The following MYOM2 variants were observed in gnomAD, a reference collection of about 807,000 sequenced individuals.
MYOM2 encodes the protein myomesin-2.
MYOM2 carries 254 observed loss-of-function variants against 187.6 expected under a neutral mutation model. The observed-to-expected ratio is 1.35, with a 90% CI of 1.22 to 1.50. The LOEUF (loss-of-function observed/expected upper bound fraction) is 1.50. Ranked by LOEUF, MYOM2 falls within the 40% of genes most tolerant of loss-of-function variation. MYOM2 has a pLI of 0.00. For synonymous variants in MYOM2, 981 were observed against 753.8 expected (o/e 1.30, Z -4.94); for missense variants, 2,796 against 1,924.0 (o/e 1.45, Z -8.48).
At chr8:2,083,439 T>TGCTTA (rs1819702074) in intron 13 of MYOM2, among the ~76,000 whole-genome samples, 1 of 151,980 alleles carries the variant, frequency 6.6e-6, no homozygotes. Flanking sequence ...ATCTCATGTG[T>TGCTTA]GCTTAGCGGC....
intron 31 of MYOM2, chr8:2,127,638 G>A (rs1244249993): frequency 6.5e-6 from 1 of 154,380 alleles, no homozygotes; most frequent in Non-Finnish European, 1.4e-5. Context: ...ACGCGGTGAC[G>A]CAGCCGCAGG....
At chr8:2,126,944 A>G (rs1240168434) in intron 31 of MYOM2, among the ~76,000 whole-genome samples, 1 of 97,666 alleles carries the variant, frequency 1.0e-5, no homozygotes, top group Middle Eastern at 9.3e-3. Flanking sequence ...CTGGAGGAGC[A>G]CTGGGGGAGG....
Position 2,106,487 on chromosome 8 carries a change from T to G in MYOM2, c.2892-4T>G, listed in dbSNP as rs1796897009. Reference sequence around the variant, plus strand: ...GACATTCACCTACTCTTCTTCCTTTTTAGCTCCAAGCTGTACTTAAAGAAT... The same window carrying G: ...GACATTCACCTACTCTTCTTCCTTTGTAGCTCCAAGCTGTACTTAAAGAAT... On this transcript the variant is annotated splice_region_variant and splice_polypyrimidine_tract_variant and intron_variant, in intron 22 of 36. Transcript: ENST00000262113. 2 of 1,611,178 alleles carry G rather than the reference T, an allele frequency of 1.2e-6. No individual in the cohort carries two copies. The highest frequency in any genetic ancestry group is 1.7e-6 in the Non-Finnish European group (2 of 1,177,512).
intron 5 of MYOM2, among the ~76,000 whole-genome samples, chr8:2,058,767 T>C (rs970607845): frequency 5.3e-5 from 8 of 152,116 alleles, no homozygotes; most frequent in Non-Finnish European, 8.8e-5. Flanking sequence ...GCCAGCTTCC[T>C]TTCACCAGGG....
At chr8:2,095,961 C>T (rs1250746377) in intron 17 of MYOM2, among the ~76,000 whole-genome samples, 1 of 152,214 alleles carries the variant, frequency 6.6e-6, no homozygotes, top group African/African-American at 2.4e-5. Context: ...GTCAAATGTT[C>T]ATACCAGATT....
At chr8:2,134,044 A>AACGCCTT (rs1797970069) in intron 32 of MYOM2, among the ~76,000 whole-genome samples, 10 of 151,314 alleles carry the variant, frequency 6.6e-5, no homozygotes, top group East Asian at 5.9e-4. Flanking sequence ...CCCTGAGGTT[A>AACGCCTT]GTGTATTGTG....
At chr8:2,059,365 G>C (rs1009284547) in intron 6 of MYOM2, 120 bp downstream of exon 6, 1 of 751,730 alleles carries the variant, frequency 1.3e-6, no homozygotes, top group Non-Finnish European at 2.2e-6. Flanking sequence ...CACCCCGGGT[G>C]ACTTTAAATA....
chr8:2,058,037 GA>G (rs1818732729), intron 5 of MYOM2, among the ~76,000 whole-genome samples: 1 of 45,926 alleles, frequency 2.2e-5, no homozygotes, highest in African/African-American at 1.1e-4. Flanking sequence ...TTTTTTTTTT[GA>G]GATGGAGTCT....
rs556621053 is a variant in MYOM2 at position 2,084,863 on chromosome 8, G to A, written c.1517-400G>A. 1.1e-4 allele frequency: 18 copies of A among 170,752 alleles called. 1 individual carries two copies. The highest frequency in any genetic ancestry group is 6.9e-4 in the East Asian group (4 of 5,794). 10.6% of individuals were successfully genotyped at this position (170,752 alleles called of 1,614,324 possible). A position where few individuals can be genotyped will look rare whatever the true frequency, so the allele number is the denominator to read the frequency against. On this transcript the variant is annotated intron_variant, in intron 13 of 36. Coordinates refer to ENST00000262113, the MANE Select transcript of MYOM2 (RefSeq NM_003970.4). ...AGAGGGGATCCTTAGAGGTGGGGCC[G>A]CCTCCATCCGCGGTGCTTCTGTATT...
In MYOM2 at chr8:2,050,888, G is replaced by C. The variant is rs148956088; in HGVS notation, c.107+15G>C. 8 of 1,584,188 alleles carry C rather than the reference G, an allele frequency of 5.0e-6. No individual in the cohort carries two copies. In the Admixed American group the frequency reaches 1.2e-4, roughly 23 times the overall value. On this transcript the variant is annotated intron_variant, in intron 2 of 36. Coordinates refer to ENST00000262113, the MANE Select transcript of MYOM2 (RefSeq NM_003970.4). ...GCGTCAAAAAAGTAAGCTGACATTC[G>C]CTGATGAGACGCGCAGAGCTTTGAT...
chr8:2,046,393 G>C (rs535238631), intron 1 of MYOM2, among the ~76,000 whole-genome samples: 1 of 152,212 alleles, frequency 6.6e-6, no homozygotes, highest in Non-Finnish European at 1.5e-5. Flanking sequence ...AGTGGCCGGG[G>C]AGCTGGGCTG....
intron 28 of MYOM2, among the ~76,000 whole-genome samples, chr8:2,120,445 G>A (rs187792073): frequency 2.1e-4 from 32 of 151,172 alleles, no homozygotes; most frequent in Admixed American, 1.6e-3. Flanking sequence ...GAGCAAGTGC[G>A]TGCCTGTGGA....
At chr8:2,047,463 A>G (rs1401618254) in intron 1 of MYOM2, among the ~76,000 whole-genome samples, 1 of 152,188 alleles carries the variant, frequency 6.6e-6, no homozygotes, top group Non-Finnish European at 1.5e-5. Context: ...GCACATTGGC[A>G]CTGGGAGTCA....
chr8:2,081,084 G>C (rs1456683200), intron 13 of MYOM2, among the ~76,000 whole-genome samples: 3 of 131,188 alleles, frequency 2.3e-5, no homozygotes, highest in Non-Finnish European at 4.7e-5. Flanking sequence ...TCTGCGGGAG[G>C]AACAGGCAGC....
At chr8:2,079,430 A>G in intron 12 of MYOM2, 130 bp from the exon 13 acceptor site, 1 of 851,802 alleles carries the variant, frequency 1.2e-6, no homozygotes, top group Non-Finnish European at 2.0e-6. Context: ...ATCAGCTCTG[A>G]TGCCCCCAGA....
intron 13 of MYOM2, among the ~76,000 whole-genome samples, chr8:2,081,625 G>T (rs1337920971): frequency 6.6e-6 from 1 of 152,202 alleles, no homozygotes. Flanking sequence ...TTCTGTAAAG[G>T]CCATTGAGAA....
chr8:2,073,781 C>T (rs757075802), intron 10 of MYOM2, among the ~76,000 whole-genome samples: 26 of 152,192 alleles, frequency 1.7e-4, no homozygotes, highest in Non-Finnish European at 2.5e-4. Context: ...ATTTGAAAAA[C>T]GATTCCCAAG....
intron 13 of MYOM2, among the ~76,000 whole-genome samples, chr8:2,080,472 C>T (rs934195664): frequency 6.6e-6 from 1 of 152,180 alleles, no homozygotes; most frequent in African/African-American, 2.4e-5. Context: ...CCATGAGGGA[C>T]ATAAACTCCC....
At position 2,050,856 on chromosome 8, in the gene MYOM2, C is replaced by A; in HGVS notation, c.90C>A (p.Asp30Glu). ...YRNIQTRYLL[D>E]EYASKKRAST... ...ATATTCAAACACGGTACCTGCTGGA[C>A]GAATATGCGTCAAAAAAGTAAGCTG... Residue 30 changes from aspartate to glutamate, a missense_variant, in exon 2 of 37, where the codon GAC (aspartate) becomes GAA (glutamate). By Grantham distance (45) the Asp-to-Glu change is conservative (BLOSUM62 2). Transcript: ENST00000262113. 1 of 1,610,386 alleles carries A rather than the reference C, an allele frequency of 6.2e-7. No homozygotes were observed. Among genetic ancestry groups the A allele is most frequent in the Non-Finnish European group, 8.5e-7 (1 of 1,176,844 alleles).
Sources: gnomAD v4.1 joint callset for allele counts (sites outside exome capture counted in the v4.1 genomes callset) on GRCh38, gnomAD v4.1.1 for gene constraint, MANE v1.5 for transcripts, NCBI Gene and HGNC (gene_info 2026-07-23, HGNC 2026-07-21) for gene names.